The following OR1J2 variants were observed in gnomAD, a reference collection of about 807,000 sequenced individuals.
OR1J2 encodes olfactory receptor family 1 subfamily J member 2, also known as olfactory receptor 1J2.
For missense variants in OR1J2, 304 were observed against 246.1 expected, an observed-to-expected ratio of 1.24 and a Z score of -1.57; for synonymous variants, 142 against 99.7, an observed-to-expected ratio of 1.42 and a Z score of -2.52.
the OR1J2 span, among the ~76,000 whole-genome samples, chr9:122,460,403 G>A: frequency 6.6e-6 from 1 of 151,934 alleles, no homozygotes; most frequent in African/African-American, 2.4e-5. Flanking sequence ...TGTTTCCTTT[G>A]TGAAAGATTG....
the OR1J2 span, among the ~76,000 whole-genome samples, chr9:122,504,862 C>G: frequency 4.5e-4 from 68 of 152,256 alleles, no homozygotes; most frequent in African/African-American, 1.6e-3. Flanking sequence ...TGCCCACTTG[C>G]CATACAATGG....
At chr9:122,536,398 C>T in the OR1J2 span, among the ~76,000 whole-genome samples, 1 of 152,162 alleles carries the variant, frequency 6.6e-6, no homozygotes, top group Non-Finnish European at 1.5e-5. Context: ...TCTAATTTCA[C>T]TCCCTCCATA....
chr9:122,510,697 G>A, upstream of OR1J2: 1 of 717,230 alleles, frequency 1.4e-6, no homozygotes, highest in Non-Finnish European at 2.4e-6. Context: ...CTCTCCCTGT[G>A]TCTATGTTAA....
the OR1J2 span, among the ~76,000 whole-genome samples, chr9:122,454,191 GA>G: frequency 2.0e-5 from 3 of 152,178 alleles, no homozygotes; most frequent in Non-Finnish European, 4.4e-5. Context: ...AAACAGCTAA[GA>G]ATATTGTTCT....
At chr9:122,563,111 G>C in the OR1J2 span, among the ~76,000 whole-genome samples, 1,051 of 151,886 alleles carry the variant, frequency 6.9e-3, 12 homozygotes, top group African/African-American at 0.025. Context: ...GACCATAATG[G>C]ATGTACTAAT....
the OR1J2 span, among the ~76,000 whole-genome samples, chr9:122,572,173 T>A: frequency 6.6e-6 from 1 of 152,158 alleles, no homozygotes; most frequent in Non-Finnish European, 1.5e-5. Context: ...GCTAAACCAT[T>A]CATGAGGGAT....
At chr9:122,480,138 CAT>C in the OR1J2 span, among the ~76,000 whole-genome samples, 128 of 152,192 alleles carry the variant, frequency 8.4e-4, no homozygotes, top group African/African-American at 3.0e-3. Flanking sequence ...TTCACTATAA[CAT>C]ATCACAGCTT....
chr9:122,579,832 T>G, the OR1J2 span, among the ~76,000 whole-genome samples: 1 of 152,144 alleles, frequency 6.6e-6, no homozygotes, highest in Non-Finnish European at 1.5e-5. Context: ...ACCAGGAAAT[T>G]GAGTGCTTAC....
At chr9:122,543,223 A>G in the OR1J2 span, among the ~76,000 whole-genome samples, 1 of 152,192 alleles carries the variant, frequency 6.6e-6, no homozygotes, top group East Asian at 1.9e-4. Flanking sequence ...TTGTTTAGAC[A>G]GGGTCTTGTT....
At chr9:122,453,813 A>G in the OR1J2 span, among the ~76,000 whole-genome samples, 2 of 152,378 alleles carry the variant, frequency 1.3e-5, no homozygotes, top group Admixed American at 1.3e-4. Context: ...GACAACTGCA[A>G]TGATGTCTCC....
the OR1J2 span, chr9:122,519,342 C>G: frequency 6.2e-7 from 1 of 1,614,188 alleles, no homozygotes; most frequent in Non-Finnish European, 8.5e-7. Flanking sequence ...CCACTTGGCT[C>G]TCACTGACAT....
At chr9:122,553,393 C>T in the OR1J2 span, 6 of 1,614,168 alleles carry the variant, frequency 3.7e-6, no homozygotes, top group Admixed American at 6.7e-5. Flanking sequence ...CTCCATACTC[C>T]CATGTACTTC....
At chr9:122,534,350 CT>C in the OR1J2 span, among the ~76,000 whole-genome samples, 1 of 151,996 alleles carries the variant, frequency 6.6e-6, no homozygotes, top group Non-Finnish European at 1.5e-5. Flanking sequence ...GGTTTTTTGA[CT>C]TTTTAGGGTC....
the OR1J2 span, among the ~76,000 whole-genome samples, chr9:122,449,342 T>C: frequency 6.6e-6 from 1 of 152,188 alleles, no homozygotes; most frequent in Admixed American, 6.5e-5. Context: ...GATGGTCATG[T>C]AGCCCTCTCT....
the OR1J2 span, among the ~76,000 whole-genome samples, chr9:122,490,614 G>A: frequency 6.6e-6 from 1 of 152,108 alleles, no homozygotes; most frequent in Non-Finnish European, 1.5e-5. Flanking sequence ...AGCAGTGAAA[G>A]GGAGAGAAAC....
upstream of OR1J2, among the ~76,000 whole-genome samples, chr9:122,506,691 G>A (rs1277503680): frequency 6.6e-6 from 1 of 152,140 alleles, no homozygotes; most frequent in African/African-American, 2.4e-5. Context: ...ACAGAAGGCA[G>A]CAGTTGGCAT....
At chr9:122,550,980 T>G in the OR1J2 span, among the ~76,000 whole-genome samples, 2 of 151,948 alleles carry the variant, frequency 1.3e-5, no homozygotes, top group African/African-American at 2.4e-5. Context: ...CTTTGTTTGC[T>G]GATGATATGA....
At chr9:122,458,152 A>AT in the OR1J2 span, among the ~76,000 whole-genome samples, 1 of 151,874 alleles carries the variant, frequency 6.6e-6, no homozygotes, top group Non-Finnish European at 1.5e-5. Flanking sequence ...TTGGAAGGAT[A>AT]TTTTCAGTGC....
chr9:122,499,535 T>C, the OR1J2 span, among the ~76,000 whole-genome samples: 1 of 151,956 alleles, frequency 6.6e-6, no homozygotes. Flanking sequence ...TGGAGGCAAC[T>C]CAGGTTGCTG....
Sources: allele counts gnomAD v4.1 joint callset (sites outside exome capture counted in the v4.1 genomes callset), GRCh38; gene constraint gnomAD v4.1.1; transcripts MANE v1.5; gene names NCBI Gene and HGNC (gene_info 2026-07-23, HGNC 2026-07-21).